DNAH14: variants seen among roughly 807,000 people sequenced by gnomAD.
DNAH14 encodes the protein axonemal beta dynein heavy chain 14.
In DNAH14, 478 loss-of-function variants were observed where a neutral mutation model predicts 520.9. The ratio of observed to expected loss-of-function variants is 0.92; its 90% CI spans 0.85 to 0.99. DNAH14 has a LOEUF of 0.99. Among genes scored for constraint, DNAH14 ranks in the 50% least tolerant of loss-of-function variants. The pLI is 0.00. For synonymous variants in DNAH14, 1,581 were observed against 1,757.2 expected (o/e 0.90, Z 2.51); for missense variants, 4,831 against 5,234.5 (o/e 0.92, Z 2.38).
At position 224,985,319 on chromosome 1, in the gene DNAH14, C is replaced by T. The variant is rs564466374; in HGVS notation, c.830+11166C>T. On this transcript the variant is annotated intron_variant, in intron 8 of 85. Transcript: ENST00000682510. The stretch of plus-strand genomic sequence containing the variant: ...ATGAATTAACAGCATTTGCAATGAC[C>T]TGGATGAGATTAGAGACTATTATTC... 3.0e-3 allele frequency among the ~76,000 whole-genome samples: 464 copies of T among 152,192 alleles called. 3 individuals are homozygous for T. Among genetic ancestry groups the T allele is most frequent in the African/African-American group, 0.011 (442 of 41,520 alleles).
intron 17 of DNAH14, among the ~76,000 whole-genome samples, chr1:225,052,021 A>C (rs1451835818): frequency 6.6e-6 from 1 of 152,162 alleles, no homozygotes; most frequent in East Asian, 1.9e-4. Flanking sequence ...TTCTCTGATC[A>C]CATCTATTGC....
At chr1:225,157,620 C>A (rs2081166429) in intron 34 of DNAH14, among the ~76,000 whole-genome samples, 1 of 151,962 alleles carries the variant, frequency 6.6e-6, no homozygotes, top group Non-Finnish European at 1.5e-5. Flanking sequence ...TTAACACTTG[C>A]CCTACTACCA....
intron 41 of DNAH14, among the ~76,000 whole-genome samples, chr1:225,230,478 G>A (rs1483214612): frequency 6.6e-6 from 1 of 151,994 alleles, no homozygotes; most frequent in African/African-American, 2.4e-5. Flanking sequence ...TACACTAAAA[G>A]AAGCATTTTT....
At chr1:225,227,751 A>G (rs2090681643) in intron 41 of DNAH14, among the ~76,000 whole-genome samples, 1 of 152,142 alleles carries the variant, frequency 6.6e-6, no homozygotes, top group Non-Finnish European at 1.5e-5. Context: ...GGTGCCTAGG[A>G]CATCTTAGCA....
At chr1:225,112,950 A>G (rs1044279563) in intron 23 of DNAH14, among the ~76,000 whole-genome samples, 1 of 152,064 alleles carries the variant, frequency 6.6e-6, no homozygotes, top group African/African-American at 2.4e-5. Context: ...CTATCTGAAA[A>G]GTCACATATC....
intron 74 of DNAH14, among the ~76,000 whole-genome samples, chr1:225,360,233 T>C (rs1049540405): frequency 1.3e-5 from 2 of 152,228 alleles, no homozygotes; most frequent in African/African-American, 4.8e-5. Context: ...ACATTTTCTT[T>C]ATCTAGTCTA....
intron 46 of DNAH14, among the ~76,000 whole-genome samples, chr1:225,262,841 C>T (rs960234794): frequency 4.0e-5 from 6 of 151,708 alleles, no homozygotes; most frequent in African/African-American, 1.5e-4. Context: ...TCTTTGATTC[C>T]GTATAAATTT....
chr1:225,298,738 C>T (rs1015718875), intron 55 of DNAH14, among the ~76,000 whole-genome samples: 1 of 152,148 alleles, frequency 6.6e-6, no homozygotes, highest in Non-Finnish European at 1.5e-5. Context: ...AAGTACACAC[C>T]TTGTTCTCCC....
At chr1:225,315,012 G>C (rs2094441271) in intron 60 of DNAH14, among the ~76,000 whole-genome samples, 1 of 152,044 alleles carries the variant, frequency 6.6e-6, no homozygotes, top group Admixed American at 6.6e-5. Flanking sequence ...AGTTCTCCTG[G>C]ATAATATCCT....
At chr1:224,946,632 T>C (rs2059851769) in intron 1 of DNAH14, among the ~76,000 whole-genome samples, 1 of 152,194 alleles carries the variant, frequency 6.6e-6, no homozygotes, top group Non-Finnish European at 1.5e-5. Flanking sequence ...CCTAAATTCC[T>C]AATTTTAATA....
intron 8 of DNAH14, among the ~76,000 whole-genome samples, chr1:224,996,725 T>C (rs1487279727): frequency 6.6e-6 from 1 of 152,140 alleles, no homozygotes; most frequent in African/African-American, 2.4e-5. Context: ...TATATTCCCC[T>C]GGCCTAATGG....
chr1:225,325,696 G>A (rs1044469407), intron 64 of DNAH14, among the ~76,000 whole-genome samples: 2 of 152,100 alleles, frequency 1.3e-5, no homozygotes, highest in Non-Finnish European at 2.9e-5. Flanking sequence ...TTTCAGAGAC[G>A]CAAACAGGCA....
intron 41 of DNAH14, among the ~76,000 whole-genome samples, chr1:225,230,236 A>G (rs2090970793): frequency 6.6e-6 from 1 of 152,202 alleles, no homozygotes; most frequent in South Asian, 2.1e-4. Context: ...GGCTTAATAA[A>G]TTATGATGCA....
chr1:225,330,705 C>T (rs954468486), intron 64 of DNAH14, among the ~76,000 whole-genome samples: 7 of 151,866 alleles, frequency 4.6e-5, no homozygotes, highest in Admixed American at 1.3e-4. Context: ...TTAATGGATA[C>T]GAAAAATAGA....
At chr1:224,995,722 T>A (rs190511755) in intron 8 of DNAH14, among the ~76,000 whole-genome samples, 8 of 152,072 alleles carry the variant, frequency 5.3e-5, no homozygotes, top group African/African-American at 9.6e-5. Context: ...AGGCTTTTTT[T>A]ATTCTTTTTT....
chr1:225,059,731 A>G (rs1558822217), intron 17 of DNAH14, among the ~76,000 whole-genome samples: 1 of 152,056 alleles, frequency 6.6e-6, no homozygotes, highest in Non-Finnish European at 1.5e-5. Flanking sequence ...GGTGGTGACA[A>G]AATCTCTCAG....
At chr1:225,107,417 A>G (rs530666560) in intron 23 of DNAH14, among the ~76,000 whole-genome samples, 6 of 151,962 alleles carry the variant, frequency 3.9e-5, no homozygotes, top group Non-Finnish European at 8.8e-5. Flanking sequence ...AGTTCCTTTT[A>G]CCTAACATCT....
At chr1:224,947,980 G>A (rs1218803725) in intron 1 of DNAH14, among the ~76,000 whole-genome samples, 1 of 151,896 alleles carries the variant, frequency 6.6e-6, no homozygotes, top group African/African-American at 2.4e-5. Context: ...TGCCATATGT[G>A]CTTAAAATTA....
intron 28 of DNAH14, among the ~76,000 whole-genome samples, chr1:225,143,693 A>C (rs2079652641): frequency 6.6e-6 from 1 of 152,116 alleles, no homozygotes; most frequent in African/African-American, 2.4e-5. Context: ...TGTAGGAATG[A>C]GTTTTTGCTT....
Sources: allele counts gnomAD v4.1 joint callset (sites outside exome capture counted in the v4.1 genomes callset), GRCh38; gene constraint gnomAD v4.1.1; transcripts MANE v1.5; gene names NCBI Gene and HGNC (gene_info 2026-07-23, HGNC 2026-07-21).